ZNF660: variants seen among roughly 807,000 people sequenced by gnomAD.
ZNF660 encodes the protein zinc finger protein 660.
A neutral mutation model predicts 23.2 loss-of-function variants in ZNF660; 24 were observed. The ratio of observed to expected loss-of-function variants is 1.04; its 90% CI spans 0.75 to 1.46. ZNF660 has a LOEUF of 1.46. Among genes scored for constraint, ZNF660 ranks in the 40% most tolerant of loss-of-function variants. The pLI, the probability that ZNF660 is intolerant of heterozygous loss-of-function variation, is 0.00. For synonymous variants in ZNF660, 117 were observed against 131.4 expected, an observed-to-expected ratio of 0.89 and a Z score of 0.75; for missense variants, 373 against 396.8, an observed-to-expected ratio of 0.94 and a Z score of 0.51.
rs1432644501 is a variant in ZNF660 at position 44,598,438 on chromosome 3, G to A, written c.*3249G>A. On this transcript the variant is annotated 3_prime_UTR_variant, in exon 3 of 3. Transcript: ENST00000322734. ...GCTGGGATTATAGGCATGAGCCACT[G>A]CACCTGGCTTTATTTATATGTGTAT... is the stretch of plus-strand genomic sequence containing the variant. 4 of 151,878 alleles carry A rather than the reference G, an allele frequency of 2.6e-5. No individual in the cohort carries two copies. The highest frequency in any genetic ancestry group is 9.7e-5 in the African/African-American group (4 of 41,276). 9.4% of individuals were successfully genotyped at this position (151,878 alleles called of 1,614,324 possible).
At chr3:44,588,172 G>C (rs1700293325) in intron 2 of ZNF660, among the ~76,000 whole-genome samples, 1 of 152,198 alleles carries the variant, frequency 6.6e-6, no homozygotes. Context: ...GCCAGCATCT[G>C]TTCAGTTTCT....
Position 44,595,763 on chromosome 3 carries a change from G to A in ZNF660, c.*574G>A, listed in dbSNP as rs1348100878. 2 of 167,078 alleles carry A rather than the reference G, an allele frequency of 1.2e-5. No individual in the cohort carries two copies. Among genetic ancestry groups the A allele is most frequent in the African/African-American group, 4.8e-5 (2 of 41,420 alleles). The allele number at this position is 167,078 out of a possible 1,614,324, so 10.3% of individuals were successfully genotyped here. A position where few individuals can be genotyped will look rare whatever the true frequency, so the allele number is the denominator to read the frequency against. On this transcript the variant is annotated 3_prime_UTR_variant, in exon 3 of 3. Transcript: ENST00000322734. ...TGTTATGAAAGGCACGTAGTATATA[G>A]AGCCCAAAGCCCTGGGATTGCACCC...
intron 2 of ZNF660, among the ~76,000 whole-genome samples, chr3:44,588,101 A>C (rs957514488): frequency 3.9e-5 from 6 of 152,176 alleles, no homozygotes; most frequent in Admixed American, 6.6e-5. Flanking sequence ...TGACTGGGTT[A>C]ATTGTAAAGA....
intron 2 of ZNF660, among the ~76,000 whole-genome samples, chr3:44,588,053 CT>C (rs199911984): frequency 0.011 from 1,695 of 152,128 alleles, 20 homozygotes; most frequent in Admixed American, 0.024. Context: ...GAAACTTCGT[CT>C]CAGAAAAAAA....
At position 44,595,090 on chromosome 3, in the gene ZNF660, G is replaced by T; in HGVS notation, c.897G>T (p.Glu299Asp). The part of the protein sequence containing the change: ...VILHLRTHTK[E>D]KPYKCSECGK... ...TACACTTGAGAACCCACACTAAGGA[G>T]AAACCCTATAAATGTAGTGAGTGTG... Residue 299 changes from glutamate (E) to aspartate (D), a missense_variant, in exon 3 of 3, where the codon GAG becomes GAT. By Grantham distance (45) the Glu-to-Asp change is conservative. Transcript: ENST00000322734. The T allele has an allele frequency of 6.2e-7, 1 of 1,613,998 alleles. No homozygotes were observed. Among genetic ancestry groups the T allele is most frequent in the Non-Finnish European group, 8.5e-7 (1 of 1,179,978 alleles).
At chr3:44,590,148 A>G (rs1036466000) in intron 2 of ZNF660, among the ~76,000 whole-genome samples, 3 of 151,648 alleles carry the variant, frequency 2.0e-5, no homozygotes, top group African/African-American at 7.3e-5. Context: ...TTGTTTTTCC[A>G]TACTACTCCA....
chr3:44,587,136 C>T (rs1045171466), intron 2 of ZNF660: 1 of 151,942 alleles, frequency 6.6e-6, no homozygotes, highest in African/African-American at 2.4e-5. Flanking sequence ...TCAGGTATTT[C>T]CTCTTATTCC....
Position 44,594,380 on chromosome 3 carries a change from G to A in ZNF660, c.187G>A (p.Ala63Thr). 1 of 1,611,264 alleles carries A rather than the reference G, an allele frequency of 6.2e-7. No individual in the cohort carries two copies. The highest frequency in any genetic ancestry group is 8.5e-7 in the Non-Finnish European group (1 of 1,179,126). The change falls in exon 3 of 3, where the codon GCA becomes ACA. Residue 63 changes from alanine (A) to threonine (T), a missense_variant. Ala to Thr is a moderately conservative substitution (Grantham distance 58, BLOSUM62 0). Transcript: ENST00000322734. ...GTGTGGGAAAGCCTTTAGTCAGAGTGCAAACCTCACAGTACATGAGCGAAT... is the reference window on the plus strand; with the variant it reads ...GTGTGGGAAAGCCTTTAGTCAGAGTACAAACCTCACAGTACATGAGCGAAT... The part of the protein sequence containing the change: ...TECGKAFSQS[A>T]NLTVHERIHT...
rs1181420459 is a variant in ZNF660 at position 44,585,339 on chromosome 3, G to C, written c.-290+332G>C. ...AGGACTCCACAGCCCCTGAGTATTT[G>C]ACTCAAATCACCAGTCCAATATCCC... is the stretch of plus-strand genomic sequence containing the variant. On this transcript the variant is annotated intron_variant, in intron 1 of 2. Coordinates refer to ENST00000322734, the MANE Select transcript of ZNF660 (RefSeq NM_173658.4). Among the ~76,000 whole-genome samples the C allele has an allele frequency of 2.0e-5, 3 of 152,276 alleles. No homozygotes were observed. The East Asian group carries it at 5.8e-4, about 29-fold the overall frequency.
chr3:44,588,761 G>A (rs906018051), intron 2 of ZNF660, among the ~76,000 whole-genome samples: 4 of 152,032 alleles, frequency 2.6e-5, no homozygotes, highest in Admixed American at 6.5e-5. Flanking sequence ...GTGAGCCACC[G>A]TGCCCGACCC....
chr3:44,589,959 C>CTTTT (rs397876489), intron 2 of ZNF660, among the ~76,000 whole-genome samples: 11 of 102,984 alleles, frequency 1.1e-4, no homozygotes, highest in South Asian at 3.2e-4. Flanking sequence ...AACCCTGTGC[C>CTTTT]TTTTTTTTTT....
intron 1 of ZNF660, among the ~76,000 whole-genome samples, chr3:44,585,583 G>A (rs1340949251): frequency 6.6e-6 from 1 of 152,214 alleles, no homozygotes; most frequent in Non-Finnish European, 1.5e-5. Context: ...TGGGGATCTG[G>A]AGGGGGAAAC....
chr3:44,585,136 G>A (rs978976591), intron 1 of ZNF660, 129 bp downstream of exon 1: 15 of 152,380 alleles, frequency 9.8e-5, no homozygotes, highest in African/African-American at 3.6e-4. Context: ...CAGCCAAGGG[G>A]TCGTTGTGGG....
chr3:44,594,469 C>A lies in ZNF660; in HGVS notation c.276C>A (p.Asn92Lys). The A allele has an allele frequency of 6.2e-7, 1 of 1,613,890 alleles. No homozygotes were observed. The highest frequency in any genetic ancestry group is 8.5e-7 in the Non-Finnish European group (1 of 1,179,982). ...GAAAAGCTTTCAGTCATAGCTCTAA[C>A]CTTGTTGTTCATCGGAGAATCCACA... Reference protein sequence around the residue: ...ECGKAFSHSSNLVVHRRIHTG... With the variant: ...ECGKAFSHSSKLVVHRRIHTG... Residue 92 changes from asparagine to lysine, a missense_variant, in exon 3 of 3, where the codon AAC becomes AAA. By Grantham distance (94) the Asn-to-Lys change is moderately conservative. Coordinates refer to ENST00000322734, the MANE Select transcript of ZNF660 (RefSeq NM_173658.4).
At chr3:44,589,695 G>T (rs1575400421) in intron 2 of ZNF660, among the ~76,000 whole-genome samples, 1 of 152,196 alleles carries the variant, frequency 6.6e-6, no homozygotes, top group Admixed American at 6.5e-5. Flanking sequence ...CTTCTGTTTA[G>T]AACTGGTTTC....
Position 44,594,979 on chromosome 3 carries a change from T to C in ZNF660, c.786T>C (p.Val262=). 6.2e-7 allele frequency: 1 copy of C among 1,613,960 alleles called. No individual in the cohort carries two copies. ...CTTTTACTTCTAATCGAAACCTTGT[T>C]GATCATCAGAGAGTTCACACTGGAG... The part of the protein sequence containing the change: ...GKAFTSNRNL[V]DHQRVHTGEK... The change falls in exon 3 of 3, where the codon GTT becomes GTC. Residue 262 remains valine (V), a synonymous_variant. Coordinates refer to ENST00000322734, the MANE Select transcript of ZNF660 (RefSeq NM_173658.4).
rs1700593754 is a variant in ZNF660, at chr3:44,595,925, C to T, written c.*736C>T. The T allele has an allele frequency of 6.0e-6, 1 of 167,020 alleles. No homozygotes were observed. The highest frequency in any genetic ancestry group is 1.5e-5 in the Non-Finnish European group (1 of 68,100). The allele number at this position is 167,020 out of a possible 1,614,324, so 10.3% of individuals were successfully genotyped here. ...GACAAGCTGACTTTAGAGTTGTCAA[C>T]AAAATATATAATAACACTGTTAGGT... On this transcript the variant is annotated 3_prime_UTR_variant, in exon 3 of 3. Transcript: ENST00000322734.
At position 44,595,743 on chromosome 3, in the gene ZNF660, T is replaced by C. The variant is rs961410106; in HGVS notation, c.*554T>C. On this transcript the variant is annotated 3_prime_UTR_variant, in exon 3 of 3. Coordinates refer to ENST00000322734, the MANE Select transcript of ZNF660 (RefSeq NM_173658.4). ...TGCTTATTTTCACTCAGCAGTGTTA[T>C]GAAAGGCACGTAGTATATAGAGCCC... is the stretch of plus-strand genomic sequence containing the variant. The C allele has an allele frequency of 2.4e-5, 4 of 167,406 alleles. No homozygotes were observed. Among genetic ancestry groups the C allele is most frequent in the African/African-American group, 4.8e-5 (2 of 41,466 alleles). The allele number at this position is 167,406 out of a possible 1,614,324, so 10.4% of individuals were successfully genotyped here.
At chr3:44,591,991 C>G (rs186899401) in intron 2 of ZNF660, among the ~76,000 whole-genome samples, 16 of 152,088 alleles carry the variant, frequency 1.1e-4, no homozygotes, top group African/African-American at 3.9e-4. Context: ...GAGCGAGCCT[C>G]CGTCTCAAAA....
Sources: gnomAD v4.1 joint callset for allele counts (sites outside exome capture counted in the v4.1 genomes callset) on GRCh38, gnomAD v4.1.1 for gene constraint, MANE v1.5 for transcripts, NCBI Gene and HGNC (gene_info 2026-07-23, HGNC 2026-07-21) for gene names.